CSMD1: variants seen among roughly 807,000 people sequenced by gnomAD.
CSMD1 encodes the protein CUB and Sushi multiple domains 1, also known as CUB and sushi domain-containing protein 1.
A neutral mutation model predicts 417.5 loss-of-function variants in CSMD1; 213 were observed. That is an observed-to-expected ratio of 0.51 (90% confidence interval 0.46 to 0.57). CSMD1 has a LOEUF of 0.57. Ranked by LOEUF, CSMD1 falls within the 20% of genes least tolerant of loss-of-function variation. The pLI is 0.00. For synonymous variants in CSMD1, 2,862 were observed against 1,736.8 expected, an observed-to-expected ratio of 1.65 and a Z score of -16.11; for missense variants, 6,923 against 4,529.7, an observed-to-expected ratio of 1.53 and a Z score of -15.17.
At chr8:4,286,604 G>C (rs887570586) in intron 3 of CSMD1, among the ~76,000 whole-genome samples, 3 of 152,228 alleles carry the variant, frequency 2.0e-5, no homozygotes, top group African/African-American at 7.2e-5. Context: ...CATCTATTAG[G>C]TTTGGGAACA....
intron 3 of CSMD1, among the ~76,000 whole-genome samples, chr8:4,269,722 C>G (rs764528254): frequency 3.3e-5 from 5 of 152,082 alleles, no homozygotes; most frequent in Non-Finnish European, 4.4e-5. Context: ...CTGTTGAATT[C>G]TTAATATTTA....
At chr8:3,767,059 G>C (rs770569184) in intron 5 of CSMD1, among the ~76,000 whole-genome samples, 1 of 152,188 alleles carries the variant, frequency 6.6e-6, no homozygotes, top group Non-Finnish European at 1.5e-5. Flanking sequence ...CTGCTTTTCA[G>C]CATCACTGCC....
At chr8:4,178,582 G>A (rs1197855034) in intron 3 of CSMD1, among the ~76,000 whole-genome samples, 4 of 151,314 alleles carry the variant, frequency 2.6e-5, no homozygotes, top group African/African-American at 7.3e-5. Flanking sequence ...TCTGGCCAGG[G>A]CAATTAGGCA....
At chr8:4,633,939 G>A (rs898924698) in intron 2 of CSMD1, among the ~76,000 whole-genome samples, 12 of 150,596 alleles carry the variant, frequency 8.0e-5, no homozygotes, top group Admixed American at 7.3e-4. Context: ...GAAGCAAGAG[G>A]AAATGCAGAG....
intron 1 of CSMD1, among the ~76,000 whole-genome samples, chr8:4,729,043 T>C (rs1809675106): frequency 6.6e-6 from 1 of 152,122 alleles, no homozygotes; most frequent in African/African-American, 2.4e-5. Flanking sequence ...AGAGATAAAT[T>C]CACTGATGAC....
intron 4 of CSMD1, among the ~76,000 whole-genome samples, chr8:4,013,174 A>C (rs906202985): frequency 6.6e-6 from 1 of 151,982 alleles, no homozygotes; most frequent in African/African-American, 2.4e-5. Flanking sequence ...TTAAAGTCCA[A>C]AGGCTGATCT....
chr8:3,996,455 A>T (rs911631429), intron 5 of CSMD1, among the ~76,000 whole-genome samples: 59 of 132,748 alleles, frequency 4.4e-4, no homozygotes, highest in African/African-American at 1.5e-3. Flanking sequence ...TTTTTTTTTT[A>T]GCACAGCCTC....
At chr8:4,385,924 T>C (rs1803418364) in intron 3 of CSMD1, among the ~76,000 whole-genome samples, 1 of 152,070 alleles carries the variant, frequency 6.6e-6, no homozygotes, top group Admixed American at 6.6e-5. Context: ...AATTCCAGAG[T>C]TTCTCACCCC....
rs1563561221 is a variant in CSMD1, at chr8:4,841,929, A to AAAACAAAAAACAAAAC, written c.85+152402_85+152403insGTTTTGTTTTTTGTTT. Among the ~76,000 whole-genome samples the AAAACAAAAAACAAAAC allele has an allele frequency of 6.2e-5, 9 of 144,368 alleles. 1 individual carries two copies. The highest frequency in any genetic ancestry group is 2.3e-4 in the African/African-American group (9 of 38,418). 94.7% of individuals were successfully genotyped at this position (144,368 alleles called of 152,430 possible). A position where few individuals can be genotyped will look rare whatever the true frequency, so the allele number is the denominator to read the frequency against. Reference sequence around the variant, plus strand: ...TCCGTCTCAAAAAAAAAAAAAAAAAAAAAAAAAAAGTTCAGAACAATGGAT... The same window carrying AAAACAAAAAACAAAAC: ...TCCGTCTCAAAAAAAAAAAAAAAAAAAAACAAAAAACAAAACAAAAAAAAAGTTCAGAACAATGGAT... On this transcript the variant is annotated intron_variant, in intron 1 of 69. Coordinates refer to ENST00000635120, the MANE Select transcript of CSMD1 (RefSeq NM_033225.6).
intron 3 of CSMD1, among the ~76,000 whole-genome samples, chr8:4,090,964 G>T (rs1008125691): frequency 6.6e-6 from 1 of 151,204 alleles, no homozygotes; most frequent in Non-Finnish European, 1.5e-5. Context: ...TGTCACCCAG[G>T]CTGGAGTGCA....
intron 11 of CSMD1, among the ~76,000 whole-genome samples, chr8:3,490,875 A>ATTTT (rs905479181): frequency 6.6e-6 from 1 of 151,174 alleles, no homozygotes; most frequent in African/African-American, 2.4e-5. Context: ...AAAGAAAAAA[A>ATTTT]TTTTTTTTTA....
At chr8:3,622,053 C>T (rs1477168457) in intron 7 of CSMD1, among the ~76,000 whole-genome samples, 1 of 151,662 alleles carries the variant, frequency 6.6e-6, no homozygotes, top group Non-Finnish European at 1.5e-5. Flanking sequence ...TTCTGATACT[C>T]TACTACTTTT....
intron 9 of CSMD1, among the ~76,000 whole-genome samples, chr8:3,578,468 A>C (rs902837879): frequency 6.6e-6 from 1 of 152,214 alleles, no homozygotes; most frequent in Non-Finnish European, 1.5e-5. Context: ...AGGCCCTTGC[A>C]AAGGAAGCGG....
At chr8:4,698,122 C>T (rs1807258704) in intron 1 of CSMD1, among the ~76,000 whole-genome samples, 1 of 137,324 alleles carries the variant, frequency 7.3e-6, no homozygotes, top group Non-Finnish European at 1.5e-5. Context: ...AACACTTTTG[C>T]TTTGAATACT....
At chr8:3,315,161 GA>G (rs1174396380) in intron 23 of CSMD1, among the ~76,000 whole-genome samples, 5 of 151,920 alleles carry the variant, frequency 3.3e-5, no homozygotes, top group Non-Finnish European at 5.9e-5. Context: ...ACTCTCATGT[GA>G]AAAAAAGGGA....
At chr8:3,378,568 T>C (rs1347136576) in intron 18 of CSMD1, among the ~76,000 whole-genome samples, 1 of 152,196 alleles carries the variant, frequency 6.6e-6, no homozygotes, top group African/African-American at 2.4e-5. Flanking sequence ...GTCAGCTTTA[T>C]CCCTGGGATG....
intron 2 of CSMD1, among the ~76,000 whole-genome samples, chr8:4,509,224 C>G (rs1466289447): frequency 6.6e-6 from 1 of 152,074 alleles, no homozygotes; most frequent in African/African-American, 2.4e-5. Context: ...ATGAAGTTTA[C>G]TGCATATTAA....
intron 5 of CSMD1, among the ~76,000 whole-genome samples, chr8:3,876,137 T>G (rs561690277): frequency 2.0e-5 from 3 of 152,338 alleles, no homozygotes; most frequent in Non-Finnish European, 4.4e-5. Context: ...AGCAAGAAAT[T>G]AACCTCTGGA....
At chr8:3,344,489 C>T (rs978738062) in intron 22 of CSMD1, among the ~76,000 whole-genome samples, 3 of 152,194 alleles carry the variant, frequency 2.0e-5, no homozygotes, top group African/African-American at 7.2e-5. Flanking sequence ...AAAGTCAATG[C>T]AGCAGTCCTC....
Sources: gnomAD v4.1 joint callset for allele counts (sites outside exome capture counted in the v4.1 genomes callset) on GRCh38, gnomAD v4.1.1 for gene constraint, MANE v1.5 for transcripts, NCBI Gene and HGNC (gene_info 2026-07-23, HGNC 2026-07-21) for gene names.